DSCAM: variants seen among roughly 807,000 people sequenced by gnomAD.
DSCAM encodes DS cell adhesion molecule, also known as cell adhesion molecule DSCAM.
A neutral mutation model predicts 217.7 loss-of-function variants in DSCAM; 47 were observed. The ratio of observed to expected loss-of-function variants is 0.22; its 90% confidence interval spans 0.17 to 0.28. The LOEUF is 0.28. DSCAM is among the 10% of genes least tolerant of loss of function. DSCAM has a pLI of 1.00. For synonymous variants in DSCAM, 1,056 were observed against 1,015.3 expected (o/e 1.04, Z -0.76); for missense variants, 2,080 against 2,618.3 (o/e 0.79, Z 4.49).
At chr21:40,154,242 C>A (rs1232782910) in intron 16 of DSCAM, among the ~76,000 whole-genome samples, 1 of 151,166 alleles carries the variant, frequency 6.6e-6, no homozygotes, top group African/African-American at 2.4e-5. Context: ...TTCCTTCCTT[C>A]CCTCTTTTTC....
intron 18 of DSCAM, among the ~76,000 whole-genome samples, chr21:40,138,478 T>C (rs1420198822): frequency 7.1e-6 from 1 of 141,694 alleles, no homozygotes; most frequent in Non-Finnish European, 1.5e-5. Context: ...GTGTGGTGTA[T>C]TGGGGGTGTG....
At chr21:40,584,749 A>C (rs968300828) in intron 3 of DSCAM, among the ~76,000 whole-genome samples, 7 of 152,062 alleles carry the variant, frequency 4.6e-5, no homozygotes, top group African/African-American at 1.7e-4. Context: ...GGGAGCTATG[A>C]ACCTGAAATT....
At chr21:40,284,163 G>C (rs1365844208) in intron 10 of DSCAM, among the ~76,000 whole-genome samples, 1 of 152,238 alleles carries the variant, frequency 6.6e-6, no homozygotes, top group Non-Finnish European at 1.5e-5. Context: ...AATAGCAACA[G>C]CAGTTGCACC....
At chr21:40,491,171 T>C (rs2076073447) in intron 3 of DSCAM, among the ~76,000 whole-genome samples, 1 of 152,240 alleles carries the variant, frequency 6.6e-6, no homozygotes, top group Admixed American at 6.5e-5. Flanking sequence ...GTTCTCTTAT[T>C]CTTTTTTAAA....
intron 11 of DSCAM, among the ~76,000 whole-genome samples, chr21:40,239,781 T>C (rs776040827): frequency 6.6e-6 from 1 of 152,212 alleles, no homozygotes; most frequent in African/African-American, 2.4e-5. Context: ...AAAAGTTGTA[T>C]GCAAAAGACT....
At chr21:40,072,894 T>C (rs1452940453) in intron 27 of DSCAM, among the ~76,000 whole-genome samples, 1 of 152,230 alleles carries the variant, frequency 6.6e-6, no homozygotes, top group Non-Finnish European at 1.5e-5. Flanking sequence ...CCATGTTCTC[T>C]GAGGTGATAG....
intron 3 of DSCAM, among the ~76,000 whole-genome samples, chr21:40,420,730 G>A (rs568729755): frequency 7.2e-5 from 11 of 152,244 alleles, no homozygotes; most frequent in East Asian, 1.9e-4. Context: ...GGACACAAAC[G>A]GACATACAAG....
chr21:40,383,145 G>C (rs573197164), intron 3 of DSCAM: 1 of 152,074 alleles, frequency 6.6e-6, no homozygotes, highest in Admixed American at 6.6e-5. Context: ...CCTGGCCAAC[G>C]TGGCAAAACC....
chr21:40,531,769 A>G (rs759310041), intron 3 of DSCAM, among the ~76,000 whole-genome samples: 2 of 152,210 alleles, frequency 1.3e-5, no homozygotes, highest in African/African-American at 2.4e-5. Context: ...TCTTGCCCCC[A>G]TTCCTTTCCT....
chr21:40,085,394 A>C (rs1467209291), intron 23 of DSCAM, among the ~76,000 whole-genome samples: 1 of 152,168 alleles, frequency 6.6e-6, no homozygotes, highest in African/African-American at 2.4e-5. Context: ...TTTGTATCTC[A>C]GTATTTCTGA....
chr21:40,516,043 G>A (rs137965774), intron 3 of DSCAM, among the ~76,000 whole-genome samples: 52 of 151,980 alleles, frequency 3.4e-4, no homozygotes, highest in Middle Eastern at 6.8e-3. Flanking sequence ...CAGTGGTAGC[G>A]TCTAATGATA....
chr21:40,516,882 A>ACACACC (rs1429739011), intron 3 of DSCAM, among the ~76,000 whole-genome samples: 1 of 139,172 alleles, frequency 7.2e-6, no homozygotes, highest in Non-Finnish European at 1.5e-5. Flanking sequence ...ATGCGCACAC[A>ACACACC]CACACCATAT....
intron 1 of DSCAM, among the ~76,000 whole-genome samples, chr21:40,821,711 T>C (rs8129953): frequency 0.07 from 10,726 of 152,142 alleles, 439 homozygotes; most frequent in Admixed American, 0.11. Flanking sequence ...GTTGGTTCCA[T>C]GTCTTTGGAG....
At chr21:40,793,159 C>A (rs1414549252) in intron 1 of DSCAM, among the ~76,000 whole-genome samples, 1 of 152,136 alleles carries the variant, frequency 6.6e-6, no homozygotes, top group Non-Finnish European at 1.5e-5. Context: ...GTTCATGTGC[C>A]AGATAAAATG....
chr21:40,363,992 C>T (rs1053892225), intron 4 of DSCAM, among the ~76,000 whole-genome samples: 2 of 152,132 alleles, frequency 1.3e-5, no homozygotes, highest in Non-Finnish European at 2.9e-5. Context: ...CATCTTACAC[C>T]AGTTAGAATG....
At chr21:40,302,943 A>T (rs1051776558) in intron 9 of DSCAM, among the ~76,000 whole-genome samples, 14 of 152,226 alleles carry the variant, frequency 9.2e-5, no homozygotes, top group African/African-American at 3.1e-4. Flanking sequence ...TCTAGTTTTA[A>T]ATGTAGTCCA....
chr21:40,483,480 A>C (rs895542445), intron 3 of DSCAM, among the ~76,000 whole-genome samples: 5 of 152,220 alleles, frequency 3.3e-5, no homozygotes, highest in Non-Finnish European at 7.3e-5. Flanking sequence ...TACCATGGGA[A>C]TTATATCTTT....
chr21:40,671,512 C>G (rs1001076851), intron 3 of DSCAM, among the ~76,000 whole-genome samples: 1 of 151,686 alleles, frequency 6.6e-6, no homozygotes, highest in South Asian at 2.1e-4. Context: ...CCCCCCCGCA[C>G]CGTCTCTATT....
intron 3 of DSCAM, among the ~76,000 whole-genome samples, chr21:40,649,809 T>C (rs1015162624): frequency 6.6e-6 from 1 of 152,200 alleles, no homozygotes; most frequent in African/African-American, 2.4e-5. Flanking sequence ...CTCTCTGGAT[T>C]GGATGGCACC....
Sources: allele counts gnomAD v4.1 joint callset (sites outside exome capture counted in the v4.1 genomes callset), GRCh38; gene constraint gnomAD v4.1.1; transcripts MANE v1.5; gene names NCBI Gene and HGNC (gene_info 2026-07-23, HGNC 2026-07-21).